UVRAG: variants seen among roughly 807,000 people sequenced by gnomAD.
The protein encoded by UVRAG is UV radiation resistance-associated gene protein.
A neutral mutation model predicts 78.0 loss-of-function variants in UVRAG; 19 were observed. That is an observed-to-expected ratio of 0.24 (90% confidence interval 0.17 to 0.36). The LOEUF (loss-of-function observed/expected upper bound fraction) is 0.36. UVRAG is among the 10% of genes least tolerant of loss of function. The probability of loss-of-function intolerance (pLI) is 1.00; values close to 1 mark genes in which losing one functional copy is unlikely to be tolerated. For missense variants in UVRAG, 740 were observed against 853.8 expected, an observed-to-expected ratio of 0.87 and a Z score of 1.66; for synonymous variants, 323 against 324.6, an observed-to-expected ratio of 1.00 and a Z score of 0.05.
intron 13 of UVRAG, among the ~76,000 whole-genome samples, chr11:76,071,533 T>C (rs1019148748): frequency 6.6e-6 from 1 of 152,170 alleles, no homozygotes; most frequent in Admixed American, 6.6e-5. Context: ...GAAAGTGGCA[T>C]GATTTGATAT....
At chr11:75,817,838 G>A (rs1945291020) in intron 1 of UVRAG, among the ~76,000 whole-genome samples, 1 of 150,330 alleles carries the variant, frequency 6.7e-6, no homozygotes, top group Admixed American at 6.7e-5. Context: ...GAGGCCAGAA[G>A]TTCAAGACCA....
intron 4 of UVRAG, among the ~76,000 whole-genome samples, chr11:75,882,626 A>G (rs1328591813): frequency 6.6e-6 from 1 of 152,060 alleles, no homozygotes; most frequent in Non-Finnish European, 1.5e-5. Flanking sequence ...ACCATGCTGT[A>G]GTCTCGTGAA....
At chr11:76,039,658 T>C (rs949910698) in intron 12 of UVRAG, among the ~76,000 whole-genome samples, 2 of 152,228 alleles carry the variant, frequency 1.3e-5, no homozygotes, top group Middle Eastern at 3.2e-3. Flanking sequence ...GTGGATCACC[T>C]AAGGTTGGGA....
At chr11:75,873,718 AGCTT>A (rs1400644987) in intron 3 of UVRAG, among the ~76,000 whole-genome samples, 2 of 152,152 alleles carry the variant, frequency 1.3e-5, no homozygotes, top group Admixed American at 6.6e-5. Context: ...TGTTGTACGC[AGCTT>A]GCTTGTTTGT....
intron 13 of UVRAG, among the ~76,000 whole-genome samples, chr11:76,106,296 T>G (rs1270842771): frequency 6.6e-6 from 1 of 152,214 alleles, no homozygotes; most frequent in East Asian, 1.9e-4. Context: ...TCTATTAGAC[T>G]GTAATCTTGA....
intron 2 of UVRAG, among the ~76,000 whole-genome samples, chr11:75,854,956 C>A (rs932236408): frequency 1.3e-5 from 2 of 152,178 alleles, no homozygotes; most frequent in Non-Finnish European, 2.9e-5. Context: ...CTTAACAAAA[C>A]TTCTGTGTTC....
chr11:76,102,438 G>A (rs1266611207), intron 13 of UVRAG, among the ~76,000 whole-genome samples: 1 of 152,160 alleles, frequency 6.6e-6, no homozygotes, highest in Non-Finnish European at 1.5e-5. Context: ...AAACTTTGCT[G>A]AAGTTGTTTA....
At chr11:75,866,560 A>G (rs1043074032) in intron 3 of UVRAG, among the ~76,000 whole-genome samples, 1 of 151,938 alleles carries the variant, frequency 6.6e-6, no homozygotes, top group Non-Finnish European at 1.5e-5. Context: ...AACAACAGCA[A>G]CAGCAACAAA....
At chr11:76,091,051 A>G (rs1951687072) in intron 13 of UVRAG, among the ~76,000 whole-genome samples, 1 of 152,226 alleles carries the variant, frequency 6.6e-6, no homozygotes, top group Non-Finnish European at 1.5e-5. Context: ...ATATCCTTCT[A>G]TAGCTTCCTA....
rs1372681088 is a variant in UVRAG at position 76,141,310 on chromosome 11, A to G, written c.1997A>G (p.Asp666Gly). ...GACAGTGCTGTGGCAGTAGAGTGTG[A>G]CGAACAAGTTCTGGGAGAATTTGAA... The part of the protein sequence containing the change: ...PVDSAVAVEC[D>G]EQVLGEFEEF... The change falls in exon 15 of 15, where the codon GAC (aspartate) becomes GGC (glycine). Residue 666 changes from aspartate to glycine, a missense_variant. Physicochemically the swap from Asp to Gly is moderately conservative, Grantham distance 94. Coordinates refer to ENST00000356136, the MANE Select transcript of UVRAG (RefSeq NM_003369.4). The G allele has an allele frequency of 6.2e-7, 1 of 1,614,210 alleles. No individual in the cohort carries two copies. The highest frequency in any genetic ancestry group is 8.5e-7 in the Non-Finnish European group (1 of 1,180,030).
chr11:76,097,811 G>A (rs1951812167), intron 13 of UVRAG, among the ~76,000 whole-genome samples: 1 of 152,082 alleles, frequency 6.6e-6, no homozygotes. Flanking sequence ...TATTTGAAGT[G>A]TATATATTCA....
chr11:75,924,525 T>TA (rs1172953409), intron 6 of UVRAG, among the ~76,000 whole-genome samples: 1 of 151,826 alleles, frequency 6.6e-6, no homozygotes, highest in Non-Finnish European at 1.5e-5. Flanking sequence ...AGCTGGGACT[T>TA]ACAGGCGCCC....
At chr11:75,882,911 C>T (rs1408056737) in intron 4 of UVRAG, among the ~76,000 whole-genome samples, 1 of 152,016 alleles carries the variant, frequency 6.6e-6, no homozygotes, top group Admixed American at 6.5e-5. Context: ...TAATTTTTTT[C>T]TCTGTTTTAG....
chr11:75,894,386 A>T (rs1348950943), intron 5 of UVRAG, among the ~76,000 whole-genome samples: 1 of 152,126 alleles, frequency 6.6e-6, no homozygotes, highest in Non-Finnish European at 1.5e-5. Flanking sequence ...CTTTCCCCAC[A>T]GAGAGTGAAA....
chr11:75,997,091 T>G (rs369355858), intron 8 of UVRAG, among the ~76,000 whole-genome samples: 1 of 152,234 alleles, frequency 6.6e-6, no homozygotes, highest in African/African-American at 2.4e-5. Flanking sequence ...TTGCAAAAGT[T>G]ACAGCAAGAA....
At chr11:75,998,047 T>C (rs1382914632) in intron 8 of UVRAG, among the ~76,000 whole-genome samples, 1 of 152,182 alleles carries the variant, frequency 6.6e-6, no homozygotes, top group Non-Finnish European at 1.5e-5. Flanking sequence ...GAAAGACAAC[T>C]CTACTCAAGA....
At chr11:76,067,642 C>T (rs1287270440) in intron 13 of UVRAG, among the ~76,000 whole-genome samples, 1 of 152,014 alleles carries the variant, frequency 6.6e-6, no homozygotes, top group Admixed American at 6.5e-5. Context: ...CCTGTAATCC[C>T]AGCTACTGGA....
At position 76,141,302 on chromosome 11, in the gene UVRAG, A is replaced by G; in HGVS notation, c.1989A>G (p.Val663=). 6.2e-7 allele frequency: 1 copy of G among 1,614,244 alleles called. No homozygotes were observed. Among genetic ancestry groups the G allele is most frequent in the East Asian group, 2.2e-5 (1 of 44,890 alleles). Residue 663 remains valine, a synonymous_variant, in exon 15 of 15, where the codon GTA becomes GTG. Coordinates refer to ENST00000356136, the MANE Select transcript of UVRAG (RefSeq NM_003369.4). The part of the protein sequence containing the change: ...NCIPVDSAVA[V]ECDEQVLGEF... ...TCCCAGTGGACAGTGCTGTGGCAGT[A>G]GAGTGTGACGAACAAGTTCTGGGAG...
intron 1 of UVRAG, among the ~76,000 whole-genome samples, chr11:75,842,472 C>T (rs1314049021): frequency 1.4e-5 from 2 of 140,556 alleles, no homozygotes; most frequent in Non-Finnish European, 3.0e-5. Flanking sequence ...GACGGAGTCT[C>T]ACCCTGTCAC....
Sources: gnomAD v4.1 joint callset for allele counts (sites outside exome capture counted in the v4.1 genomes callset) on GRCh38, gnomAD v4.1.1 for gene constraint, MANE v1.5 for transcripts, NCBI Gene and HGNC (gene_info 2026-07-23, HGNC 2026-07-21) for gene names.